ATG4B: variants seen among roughly 807,000 people sequenced by gnomAD.
ATG4B encodes the protein cysteine protease ATG4B.
ATG4B carries 29 observed loss-of-function variants against 56.6 expected under a neutral mutation model. The observed-to-expected ratio is 0.51, with a 90% CI of 0.38 to 0.70. ATG4B has a LOEUF of 0.70. Ranked by LOEUF, ATG4B falls within the 30% of genes least tolerant of loss-of-function variation. The probability of loss-of-function intolerance (pLI) is 0.00; values close to 1 mark genes in which losing one functional copy is unlikely to be tolerated. For synonymous variants in ATG4B, 224 were observed against 206.1 expected (o/e 1.09, Z -0.74); for missense variants, 461 against 515.5 (o/e 0.89, Z 1.02).
chr2:241,659,453 C>A (rs560706399), intron 7 of ATG4B: 233 of 524,786 alleles, frequency 4.4e-4, no homozygotes, highest in Non-Finnish European at 7.9e-4. Context: ...GGTTACAAAT[C>A]GTTTATGAAG....
chr2:241,661,306 A>G (rs1348081789), intron 7 of ATG4B, among the ~76,000 whole-genome samples: 1 of 152,192 alleles, frequency 6.6e-6, no homozygotes. Flanking sequence ...CCAGCCAGCA[A>G]AGGCACTGGC....
chr2:241,671,880 A>G, intron 12 of ATG4B: 1 of 1,305,264 alleles, frequency 7.7e-7, no homozygotes, highest in African/African-American at 1.5e-5. Flanking sequence ...GGGAAACTCT[A>G]CAAACAAGGC....
At chr2:241,667,223 T>C (rs2068806497) in intron 8 of ATG4B, among the ~76,000 whole-genome samples, 1 of 152,058 alleles carries the variant, frequency 6.6e-6, no homozygotes, top group African/African-American at 2.4e-5. Context: ...GGAGGGTGGG[T>C]TGGCCTGTGA....
chr2:241,659,080 CT>C, intron 6 of ATG4B, 27 bp from the exon 7 acceptor site: 2 of 1,551,104 alleles, frequency 1.3e-6, no homozygotes, highest in Non-Finnish European at 1.8e-6. Context: ...TGTACAAAAG[CT>C]TATGGTCATT....
intron 7 of ATG4B, among the ~76,000 whole-genome samples, chr2:241,662,928 A>G (rs1053394600): frequency 5.9e-5 from 9 of 152,174 alleles, no homozygotes; most frequent in Non-Finnish European, 8.8e-5. Context: ...CACGCCTATA[A>G]TCCCAACTTC....
intron 7 of ATG4B, among the ~76,000 whole-genome samples, chr2:241,664,570 A>T (rs560166608): frequency 1.3e-5 from 2 of 152,028 alleles, no homozygotes; most frequent in Non-Finnish European, 2.9e-5. Context: ...CAACTCCCTT[A>T]AGGCTGGGCG....
intron 3 of ATG4B, chr2:241,653,286 A>G: frequency 6.0e-6 from 9 of 1,503,792 alleles, no homozygotes; most frequent in Non-Finnish European, 8.1e-6. Flanking sequence ...TGACTTGTTC[A>G]TGTGTTTTGC....
chr2:241,671,600 G>T, intron 12 of ATG4B, 195 bp downstream of exon 12: 1 of 1,505,128 alleles, frequency 6.6e-7, no homozygotes, highest in Non-Finnish European at 8.9e-7. Flanking sequence ...AGCAGCCCAG[G>T]ACCCACCTCG....
intron 7 of ATG4B, 176 bp downstream of exon 7, chr2:241,659,363 C>T (rs1294065666): frequency 1.5e-6 from 1 of 686,866 alleles, no homozygotes. Flanking sequence ...GCTCTCCTAT[C>T]CCGGCGGTCA....
chr2:241,643,593 T>C (rs954078567), intron 1 of ATG4B, among the ~76,000 whole-genome samples: 1 of 149,574 alleles, frequency 6.7e-6, no homozygotes, highest in Admixed American at 6.7e-5. Flanking sequence ...TATGTACATA[T>C]ATATATAAAC....
intron 7 of ATG4B, among the ~76,000 whole-genome samples, chr2:241,664,381 C>CA (rs909991532): frequency 1.4e-4 from 22 of 151,980 alleles, no homozygotes; most frequent in Admixed American, 1.2e-3. Context: ...AAAAACAAAA[C>CA]AAAAAAACTA....
intron 10 of ATG4B, 105 bp from the exon 11 acceptor site, chr2:241,670,621 G>A: frequency 9.3e-7 from 1 of 1,077,230 alleles, no homozygotes; most frequent in East Asian, 2.6e-5. Flanking sequence ...GCACCTGCAT[G>A]CTGGGGGCCT....
intron 8 of ATG4B, 173 bp from the exon 9 acceptor site, chr2:241,667,970 G>C: frequency 1.7e-6 from 1 of 597,070 alleles, no homozygotes; most frequent in South Asian, 2.1e-5. Context: ...TGTGCCTGTG[G>C]GATGTCCTGT....
Position 241,666,838 on chromosome 2 carries a change from G to T in ATG4B, c.732G>T (p.Lys244Asn). Residue 244 changes from lysine (K) to asparagine (N), a missense_variant and splice_region_variant, in exon 8 of 13, where the codon AAG (lysine) becomes AAT (asparagine). Transcript: ENST00000404914. ...ACGAGGCCTACGTGGAGACGCTGAA[G>T]GTGGGTCCTGCCGTGCGGCGCTTGC... ...DINEAYVETL[K>N]HCFMMPQSLG... 1 of 1,557,366 alleles carries T rather than the reference G, an allele frequency of 6.4e-7. No homozygotes were observed. Among genetic ancestry groups the T allele is most frequent in the Non-Finnish European group, 8.7e-7 (1 of 1,151,728 alleles).
intron 7 of ATG4B, among the ~76,000 whole-genome samples, chr2:241,663,386 T>A (rs1482360897): frequency 6.6e-6 from 1 of 151,938 alleles, no homozygotes; most frequent in African/African-American, 2.4e-5. Context: ...GACAGCAGAG[T>A]GTGCCTGGGA....
At chr2:241,671,000 G>A (rs112454363) in intron 11 of ATG4B, among the ~76,000 whole-genome samples, 13 of 152,054 alleles carry the variant, frequency 8.5e-5, no homozygotes, top group African/African-American at 2.4e-4. Context: ...CGGATGTTGC[G>A]TGTTGACTTT....
intron 1 of ATG4B, among the ~76,000 whole-genome samples, chr2:241,647,452 A>C (rs1286433889): frequency 6.6e-6 from 1 of 151,660 alleles, no homozygotes; most frequent in Non-Finnish European, 1.5e-5. Flanking sequence ...CCCCGTCTCT[A>C]CTAAAAAAAA....
intron 1 of ATG4B, among the ~76,000 whole-genome samples, chr2:241,642,808 C>T (rs925509833): frequency 1.3e-4 from 18 of 141,016 alleles, no homozygotes; most frequent in East Asian, 2.3e-4. Flanking sequence ...GGGATCCAGC[C>T]GACCAAATGG....
intron 1 of ATG4B, among the ~76,000 whole-genome samples, chr2:241,643,355 C>A (rs1424874039): frequency 6.8e-6 from 1 of 146,036 alleles, no homozygotes; most frequent in Admixed American, 6.9e-5. Context: ...CAGATGTCCA[C>A]GCCTAGCTAT....
Sources: gnomAD v4.1 joint callset for allele counts (sites outside exome capture counted in the v4.1 genomes callset) on GRCh38, gnomAD v4.1.1 for gene constraint, MANE v1.5 for transcripts, NCBI Gene and HGNC (gene_info 2026-07-23, HGNC 2026-07-21) for gene names.